CHD3: variants seen among roughly 807,000 people sequenced by gnomAD.
CHD3 encodes the protein ATP-dependent chromatin remodeler CHD3.
CHD3 carries 52 observed loss-of-function variants against 248.9 expected under a neutral mutation model. That is an observed-to-expected ratio of 0.21 (90% confidence interval 0.17 to 0.26). CHD3 has a LOEUF of 0.26. Among genes scored for constraint, CHD3 ranks in the 10% least tolerant of loss-of-function variants. The probability of loss-of-function intolerance (pLI) is 1.00; values close to 1 mark genes in which losing one functional copy is unlikely to be tolerated. For synonymous variants in CHD3, 985 were observed against 985.2 expected (o/e 1.00, Z 0.00); for missense variants, 1,482 against 2,605.8 (o/e 0.57, Z 9.39).
Position 7,904,434 on chromosome 17 carries a change from C to T in CHD3, c.3895-8C>T, listed in dbSNP as rs1970679311. ...CCCCCAGTGTTCATTCATTCTGTTG[C>T]CCTTCAGATTGAGGAAATTGAGCGA... On this transcript the variant is annotated splice_region_variant and splice_polypyrimidine_tract_variant and intron_variant, in intron 24 of 39. Coordinates refer to ENST00000330494, the MANE Select transcript of CHD3 (RefSeq NM_001005273.3). The surrounding 1 kb of genome is among the most constrained non-coding windows in gnomAD (Gnocchi z 4.4). The T allele has an allele frequency of 6.2e-7, 1 of 1,609,980 alleles. No homozygotes were observed.
rs1038219116 is a variant in CHD3 at position 7,911,079 on chromosome 17, T to C, written c.5881+106T>C. 3 of 1,490,704 alleles carry C rather than the reference T, an allele frequency of 2.0e-6. No homozygotes were observed. Among genetic ancestry groups the C allele is most frequent in the East Asian group, 2.3e-5 (1 of 44,252 alleles). The allele number at this position is 1,490,704 out of a possible 1,614,324, so 92.3% of individuals were successfully genotyped here. A position where few individuals can be genotyped will look rare whatever the true frequency, so the allele number is the denominator to read the frequency against. On this transcript the variant is annotated intron_variant, in intron 39 of 39. Coordinates refer to ENST00000330494, the MANE Select transcript of CHD3 (RefSeq NM_001005273.3). The surrounding 1 kb of genome is among the most constrained non-coding windows in gnomAD (Gnocchi z 5.4). The stretch of plus-strand genomic sequence containing the variant: ...GCTCTAGTCCATCTCATTTCCTTGG[T>C]GGTATCCGGTGTTTTATGGGATAGA...
rs554116857 is a variant in CHD3, at chr17:7,895,764, G to A, written c.1707+222G>A. 3.0e-4 allele frequency among the ~76,000 whole-genome samples: 45 copies of A among 152,270 alleles called. 1 individual carries two copies. Among genetic ancestry groups the A allele is most frequent in the South Asian group, 1.7e-3 (8 of 4,826 alleles). On this transcript the variant is annotated intron_variant, in intron 10 of 39. Transcript: ENST00000330494. The surrounding 1 kb of genome is among the most constrained non-coding windows in gnomAD (Gnocchi z 4.9). ...GCTTCCTTCCCTCAGATATAGCATA[G>A]CCTTTCCTAACTTCATGTCCTTCCT...
At position 7,899,136 on chromosome 17, in the gene CHD3, A is replaced by C. The variant is rs11651304; in HGVS notation, c.2277A>C (p.Leu759=). The C allele has an allele frequency of 0.044, 71,187 of 1,614,074 alleles. 1,984 individuals carry two copies. Among genetic ancestry groups the C allele is most frequent in the Admixed American group, 0.1 (6,246 of 59,986 alleles). The change falls in exon 14 of 40, where the codon CTA becomes CTC. Residue 759 remains leucine (L), a synonymous_variant. Transcript: ENST00000330494. This position sits in a 1 kb window ranked among gnomAD's most constrained non-coding sequence, Gnocchi z 6.8. ...FSWAQGTDTI[L]ADEMGLGKTI... is the part of the protein sequence containing the mutation. ...GGGCCCAGGGCACTGACACCATTCTAGCTGATGAGATGGGGCTAGGCAAGA... is the reference window on the plus strand; with the variant it reads ...GGGCCCAGGGCACTGACACCATTCTCGCTGATGAGATGGGGCTAGGCAAGA...
chr17:7,905,095 C>A lies in CHD3; in HGVS notation c.4073-5C>A, dbSNP rs1186307975. The A allele has an allele frequency of 1.4e-5, 23 of 1,613,986 alleles. No individual in the cohort carries two copies. The East Asian group carries it at 4.0e-4, about 28-fold the overall frequency. On this transcript the variant is annotated splice_polypyrimidine_tract_variant and splice_region_variant and intron_variant, in intron 25 of 39. Transcript: ENST00000330494. The surrounding 1 kb of genome is among the most constrained non-coding windows in gnomAD (Gnocchi z 5.8). ...CTGACCACTGGGCCCTTTCCACCCC[C>A]ACAGACAACCAGTCAGAGTACTCGG...
chr17:7,887,297 A>T (rs1968119765), upstream of CHD3, among the ~76,000 whole-genome samples: 1 of 152,010 alleles, frequency 6.6e-6, no homozygotes, highest in Non-Finnish European at 1.5e-5. Flanking sequence ...GACCAATTTT[A>T]TCCCTTCCCC....
In CHD3 at chr17:7,893,896, A is replaced by T. The variant is rs1252486484; in HGVS notation, c.885A>T (p.Lys295Asn). 1 of 1,601,616 alleles carries T rather than the reference A, an allele frequency of 6.2e-7. No individual in the cohort carries two copies. The highest frequency in any genetic ancestry group is 8.5e-7 in the Non-Finnish European group (1 of 1,172,468). ...AGAAAATGGCACCACTCAAAATAAA[A>T]CTAGGGCTTCTGGGTGGCAAGAGGA... is the stretch of plus-strand genomic sequence containing the variant. ...RGKKMAPLKI[K>N]LGLLGGKRKK... The change falls in exon 6 of 40, where the codon AAA becomes AAT. Residue 295 changes from lysine (K) to asparagine (N), a missense_variant. Physicochemically the swap from Lys to Asn is moderately conservative, Grantham distance 94. This residue lies in a region of CHD3 where 149 missense variants were observed against 182.6 expected (regional missense o/e 0.82). Transcript: ENST00000330494.
Position 7,905,988 on chromosome 17 carries a change from A to G in CHD3, c.4357A>G (p.Lys1453Glu). 1 of 1,613,920 alleles carries G rather than the reference A, an allele frequency of 6.2e-7. No individual in the cohort carries two copies. The highest frequency in any genetic ancestry group is 8.5e-7 in the Non-Finnish European group (1 of 1,179,936). ...GAGGGGCAAGACTGAGAAGGAGTTT[A>G]AGTGAGTGTGGGTGATACAGGGCTG... ...DLRGKTEKEF[K>E]AYVSLFMRHL... Residue 1453 changes from lysine to glutamate, a missense_variant and splice_region_variant, in exon 28 of 40, where the codon AAG (lysine) becomes GAG (glutamate). Around this residue, in one of 20 missense-constraint regions of CHD3, gnomAD observed 156 missense variants for 420.3 expected, o/e 0.37. Transcript: ENST00000330494. This position sits in a 1 kb window ranked among gnomAD's most constrained non-coding sequence, Gnocchi z 5.8.
In CHD3 at chr17:7,912,736, ATAAAT is replaced by A. The variant is rs1056874241; in HGVS notation, c.*1154_*1158del. 1 of 116,128 alleles carries A rather than the reference ATAAAT, an allele frequency of 8.6e-6. No individual in the cohort carries two copies. The highest frequency in any genetic ancestry group is 3.4e-5 in the African/African-American group (1 of 29,774). The allele number at this position is 116,128 out of a possible 1,614,324, so 7.2% of individuals were successfully genotyped here. ...TGTATCAGGTTTATTGGTTGTACAT[ATAAAT>A]TATACTTTCCTTTCTGTGTGCTCTG... On this transcript the variant is annotated 3_prime_UTR_variant, in exon 40 of 40. Coordinates refer to ENST00000330494, the MANE Select transcript of CHD3 (RefSeq NM_001005273.3).
rs140662047 is a variant in CHD3, at chr17:7,897,190, C to T, written c.1815C>T (p.Asp605=). The T allele has an allele frequency of 4.6e-4, 749 of 1,614,164 alleles. 3 individuals carry two copies. The African/African-American group carries it at 8.8e-3, about 19-fold the overall frequency. ...YGSGEDDGKS[D]KRKVKDPHYA... The stretch of plus-strand genomic sequence containing the variant: ...CCGGCGAGGATGATGGGAAGAGCGA[C>T]AAGCGTAAAGTGAAAGACCCGCACT... Residue 605 remains aspartate, a synonymous_variant, in exon 11 of 40, where the codon GAC becomes GAT. Coordinates refer to ENST00000330494, the MANE Select transcript of CHD3 (RefSeq NM_001005273.3). The surrounding 1 kb of genome is among the most constrained non-coding windows in gnomAD (Gnocchi z 4.8).
rs1814950195 is a variant in CHD3, at chr17:7,900,103, A to G, written c.2682+70A>G. 2 of 1,543,616 alleles carry G rather than the reference A, an allele frequency of 1.3e-6. No homozygotes were observed. The highest frequency in any genetic ancestry group is 4.1e-5 in the Admixed American group (2 of 49,240). ...CCCACTTGCCTTGGTCCTAAAAAAC[A>G]ACAAAAATTCTGGGGATTTTCTGTA... On this transcript the variant is annotated intron_variant, in intron 16 of 39. Transcript: ENST00000330494. The surrounding 1 kb of genome is among the most constrained non-coding windows in gnomAD (Gnocchi z 6.5).
chr17:7,908,116 C>A lies in CHD3; in HGVS notation c.5152+97C>A. 7.2e-7 allele frequency: 1 copy of A among 1,396,186 alleles called. No individual in the cohort carries two copies. The highest frequency in any genetic ancestry group is 9.7e-7 in the Non-Finnish European group (1 of 1,025,866). The allele number at this position is 1,396,186 out of a possible 1,614,324, so 86.5% of individuals were successfully genotyped here. On this transcript the variant is annotated intron_variant, in intron 34 of 39. Coordinates refer to ENST00000330494, the MANE Select transcript of CHD3 (RefSeq NM_001005273.3). The surrounding 1 kb of genome is among the most constrained non-coding windows in gnomAD (Gnocchi z 5.8). ...CTGAGGCTTCCTGCTACCTTTAATTCCAAGTAACTTCCAATGAAGTATGTT... is the reference window on the plus strand; with the variant it reads ...CTGAGGCTTCCTGCTACCTTTAATTACAAGTAACTTCCAATGAAGTATGTT...
In CHD3 at chr17:7,899,842, T is replaced by C; in HGVS notation, c.2545-54T>C. On this transcript the variant is annotated intron_variant, in intron 15 of 39. Coordinates refer to ENST00000330494, the MANE Select transcript of CHD3 (RefSeq NM_001005273.3). The surrounding 1 kb of genome is among the most constrained non-coding windows in gnomAD (Gnocchi z 6.8). ...AGGACAAGGTGTCTGGTTCTGGAGG[T>C]GTAGGTGCATGGTTGTCAGGTGGCA... 6.3e-7 allele frequency: 1 copy of C among 1,592,058 alleles called. No homozygotes were observed. Among genetic ancestry groups the C allele is most frequent in the Non-Finnish European group, 8.6e-7 (1 of 1,165,638 alleles).
At position 7,897,377 on chromosome 17, in the gene CHD3, G is replaced by A. The variant is rs1368729535; in HGVS notation, c.1919+83G>A. Reference sequence around the variant, plus strand: ...TGATGGCCCCATGTTAGTATTTGCTGATTAACCAGGTAATTGATCTAACCT... The same window carrying A: ...TGATGGCCCCATGTTAGTATTTGCTAATTAACCAGGTAATTGATCTAACCT... On this transcript the variant is annotated intron_variant, in intron 11 of 39. Coordinates refer to ENST00000330494, the MANE Select transcript of CHD3 (RefSeq NM_001005273.3). This position sits in a 1 kb window ranked among gnomAD's most constrained non-coding sequence, Gnocchi z 4.8. 13 of 1,200,822 alleles carry A rather than the reference G, an allele frequency of 1.1e-5. No homozygotes were observed. The highest frequency in any genetic ancestry group is 1.6e-5 in the Non-Finnish European group (13 of 828,368). 74.4% of individuals were successfully genotyped at this position (1,200,822 alleles called of 1,614,324 possible).
At position 7,910,421 on chromosome 17, in the gene CHD3, G is replaced by A. The variant is rs201974846; in HGVS notation, c.5591-7G>A. 20 of 1,613,926 alleles carry A rather than the reference G, an allele frequency of 1.2e-5. No homozygotes were observed. Among genetic ancestry groups the A allele is most frequent in the Admixed American group, 1.7e-5 (1 of 60,004 alleles). On this transcript the variant is annotated splice_polypyrimidine_tract_variant and splice_region_variant and intron_variant, in intron 37 of 39. Coordinates refer to ENST00000330494, the MANE Select transcript of CHD3 (RefSeq NM_001005273.3). This position sits in a 1 kb window ranked among gnomAD's most constrained non-coding sequence, Gnocchi z 4.7. ...TTGCCCTTCTTTCTCTGTGGCCCGG[G>A]CCCCAGTTCTGAACCAGCTGGAGGA...
rs144116093 is a variant in CHD3, at chr17:7,898,217, A to G, written c.2051+115A>G. ...CTGATTCAACCTGGAGTTCAGGGCA[A>G]TGGCCACCTGAGCTGGGTTGTTTGA... On this transcript the variant is annotated intron_variant, in intron 12 of 39. Transcript: ENST00000330494. 3.3e-4 allele frequency: 420 copies of G among 1,256,850 alleles called. No individual in the cohort carries two copies. The African/African-American group carries it at 4.9e-3, about 15-fold the overall frequency. The allele number at this position is 1,256,850 out of a possible 1,614,324, so 77.9% of individuals were successfully genotyped here.
intron 4 of CHD3, among the ~76,000 whole-genome samples, chr17:7,891,917 C>G (rs1445498453): frequency 6.6e-6 from 1 of 151,088 alleles, no homozygotes; most frequent in East Asian, 1.9e-4. Context: ...GGAGAAGGCA[C>G]TTTAACATAT....
chr17:7,885,084 G>T (rs1427084835), upstream of CHD3: 1 of 973,118 alleles, frequency 1.0e-6, no homozygotes, highest in African/African-American at 1.9e-5. Flanking sequence ...CCGCCGCCAG[G>T]TAAGCGCCCG....
chr17:7,906,251 C>G lies in CHD3; in HGVS notation c.4358+262C>G, dbSNP rs1427671373. 1 of 726,072 alleles carries G rather than the reference C, an allele frequency of 1.4e-6. No homozygotes were observed. Among genetic ancestry groups the G allele is most frequent in the Non-Finnish European group, 2.5e-6 (1 of 401,086 alleles). 45.0% of individuals were successfully genotyped at this position (726,072 alleles called of 1,614,324 possible). ...AGGAGCCTCTCCTGGGCTGTCCTAG[C>G]CTCACATTTACTTGACCACAATAAC... is the stretch of plus-strand genomic sequence containing the variant. On this transcript the variant is annotated intron_variant, in intron 28 of 39. Coordinates refer to ENST00000330494, the MANE Select transcript of CHD3 (RefSeq NM_001005273.3). This position sits in a 1 kb window ranked among gnomAD's most constrained non-coding sequence, Gnocchi z 5.0.
In CHD3 at chr17:7,903,973, C is replaced by T. The variant is rs759891970; in HGVS notation, c.3876C>T (p.Val1292=). ...YLSSFKVAQY[V]VREEDKIEEI... ...GCTCCTTCAAGGTGGCACAGTACGT[C>T]GTGCGGGAAGAAGACAAGGTGAGAG... The change falls in exon 24 of 40, where the codon GTC becomes GTT. Residue 1292 remains valine (V), a synonymous_variant. Coordinates refer to ENST00000330494, the MANE Select transcript of CHD3 (RefSeq NM_001005273.3). This position sits in a 1 kb window ranked among gnomAD's most constrained non-coding sequence, Gnocchi z 6.8. 85 of 1,614,014 alleles carry T rather than the reference C, an allele frequency of 5.3e-5. 1 individual carries two copies. In the South Asian group the frequency reaches 7.4e-4, roughly 14 times the overall value.
Sources: gnomAD v4.1 joint callset for allele counts (sites outside exome capture counted in the v4.1 genomes callset) on GRCh38, gnomAD v4.1.1 for gene constraint, gnomAD v4.1.1 regional missense constraint, Gnocchi (gnomAD v3.1) non-coding constraint, MANE v1.5 for transcripts, NCBI Gene and HGNC (gene_info 2026-07-23, HGNC 2026-07-21) for gene names.